CPLX2: variants seen among roughly 807,000 people sequenced by gnomAD.
The protein encoded by CPLX2 is complexin-2.
In CPLX2, 5 loss-of-function variants were observed where a neutral mutation model predicts 16.3. The observed-to-expected ratio is 0.31, with a 90% CI of 0.16 to 0.64. The LOEUF (loss-of-function observed/expected upper bound fraction) is 0.64, where lower values mean the gene tolerates loss of function less well. Ranked by LOEUF, CPLX2 falls within the 30% of genes least tolerant of loss-of-function variation. CPLX2 has a pLI of 0.79. For missense variants in CPLX2, 144 were observed against 181.4 expected, an observed-to-expected ratio of 0.79 and a Z score of 1.18; for synonymous variants, 89 against 73.2, an observed-to-expected ratio of 1.22 and a Z score of -1.10.
At chr5:175,808,153 G>A (rs1287431871) in intron 1 of CPLX2, among the ~76,000 whole-genome samples, 1 of 151,682 alleles carries the variant, frequency 6.6e-6, no homozygotes, top group Admixed American at 6.5e-5. Context: ...AAGAGCTGCA[G>A]AGAGAAGAGT....
At chr5:175,867,646 G>A (rs755873896), upstream of CPLX2, among the ~76,000 whole-genome samples, 1 of 151,410 alleles carries the variant, frequency 6.6e-6, no homozygotes, top group Non-Finnish European at 1.5e-5. Context: ...CCAACAACAC[G>A]CTGACATAGG....
At chr5:175,805,694 A>C (rs952180123) in intron 1 of CPLX2, 2 of 152,496 alleles carry the variant, frequency 1.3e-5, no homozygotes, top group African/African-American at 2.4e-5. Context: ...TCACGTTGCC[A>C]AGGGGAGGGC....
intron 2 of CPLX2, among the ~76,000 whole-genome samples, chr5:175,823,780 T>C (rs975077689): frequency 1.3e-5 from 2 of 152,136 alleles, no homozygotes; most frequent in African/African-American, 4.8e-5. Context: ...GCTTGGCCAC[T>C]ACTTGAGGTG....
chr5:175,881,837 G>A lies in CPLX2; in HGVS notation c.*1792G>A, dbSNP rs532708189. On this transcript the variant is annotated 3_prime_UTR_variant, in exon 4 of 4. Coordinates refer to ENST00000393745, the MANE Select transcript of CPLX2 (RefSeq NM_001008220.2). ...CTATCCCAAAAGCAGGGGCCAGGGA[G>A]GGGGCGACTTGCCTGCCCCTGAAGC... is the stretch of plus-strand genomic sequence containing the variant. 2 of 152,754 alleles carry A rather than the reference G, an allele frequency of 1.3e-5. No homozygotes were observed. Among genetic ancestry groups the A allele is most frequent in the East Asian group, 3.9e-4 (2 of 5,166 alleles). The allele number at this position is 152,754 out of a possible 1,614,324, so 9.5% of individuals were successfully genotyped here.
intron 2 of CPLX2, among the ~76,000 whole-genome samples, chr5:175,841,038 T>C (rs1415289035): frequency 6.6e-6 from 1 of 152,204 alleles, no homozygotes; most frequent in Admixed American, 6.5e-5. Flanking sequence ...AACTGAGAAC[T>C]CTCTAACTAT....
chr5:175,810,230 T>A (rs1327976494), intron 2 of CPLX2, among the ~76,000 whole-genome samples: 1 of 152,192 alleles, frequency 6.6e-6, no homozygotes, highest in African/African-American at 2.4e-5. Context: ...GATCATCTTG[T>A]CCAATTCCTT....
intron 2 of CPLX2, among the ~76,000 whole-genome samples, chr5:175,824,520 A>G (rs190646866): frequency 2.0e-5 from 3 of 152,350 alleles, no homozygotes; most frequent in East Asian, 1.9e-4. Flanking sequence ...CCAAGGCCAC[A>G]GGATCAGTGA....
chr5:175,802,556 T>C (rs975554584), intron 1 of CPLX2, among the ~76,000 whole-genome samples: 2 of 152,070 alleles, frequency 1.3e-5, no homozygotes, highest in African/African-American at 4.8e-5. Flanking sequence ...GCAAGCAGGG[T>C]CTTGCAGTTC....
At chr5:175,876,366 A>C (rs1759755521) in intron 1 of CPLX2, among the ~76,000 whole-genome samples, 1 of 152,198 alleles carries the variant, frequency 6.6e-6, no homozygotes, top group Non-Finnish European at 1.5e-5. Context: ...AAGATTAGAA[A>C]GTAAAAAGAG....
intron 2 of CPLX2, among the ~76,000 whole-genome samples, chr5:175,818,555 C>A (rs1314467236): frequency 2.6e-5 from 4 of 152,016 alleles, no homozygotes; most frequent in African/African-American, 4.8e-5. Context: ...ACGTAACCTT[C>A]CCCAGCTCGA....
rs190937103 is a variant in CPLX2 at position 175,821,332 on chromosome 5, C to T, written c.-89+12264C>T. On this transcript the variant is annotated intron_variant, in intron 2 of 4. Coordinates refer to the CPLX2 transcript ENST00000359546. ...CCTTCCTGACTCAGTCTCTCTGTCT[C>T]TGTGCCCCATCTCGCTTTTCCCCTC... 2.1e-4 allele frequency among the ~76,000 whole-genome samples: 32 copies of T among 152,286 alleles called. No individual in the cohort carries two copies. The East Asian group carries it at 6.2e-3, about 29-fold the overall frequency.
chr5:175,843,242 G>A (rs765007225), intron 2 of CPLX2, among the ~76,000 whole-genome samples: 7 of 152,120 alleles, frequency 4.6e-5, no homozygotes, highest in Admixed American at 1.3e-4. Context: ...CCCCTCTCTC[G>A]AGCTCTGCCT....
At position 175,809,172 on chromosome 5, in the gene CPLX2, A is replaced by G. The variant is rs1758268619; in HGVS notation, c.-89+104A>G. On this transcript the variant is annotated intron_variant, in intron 2 of 4. Transcript: ENST00000359546. The surrounding 1 kb of genome is among the most constrained non-coding windows in gnomAD (Gnocchi z 4.4). ...CACGTCTTCCCCTCTGTGATTGCCA[A>G]GAACAGTCCTAAGATGGAGTGAGAT... 6.6e-6 allele frequency: 1 copy of G among 152,368 alleles called. No individual in the cohort carries two copies. Among genetic ancestry groups the G allele is most frequent in the Non-Finnish European group, 1.5e-5 (1 of 68,154 alleles). 9.4% of individuals were successfully genotyped at this position (152,368 alleles called of 1,614,324 possible).
At chr5:175,822,786 CTCAGCCCTAACCCAT>C (rs1758537452) in intron 2 of CPLX2, among the ~76,000 whole-genome samples, 1 of 152,230 alleles carries the variant, frequency 6.6e-6, no homozygotes, top group South Asian at 2.1e-4. Flanking sequence ...CGTCAGTGGA[CTCAGCCCTAACCCAT>C]TCCCATAGCC....
chr5:175,866,645 G>T (rs1759483413), upstream of CPLX2, among the ~76,000 whole-genome samples: 1 of 152,210 alleles, frequency 6.6e-6, no homozygotes, highest in African/African-American at 2.4e-5. Context: ...CAGATGCTGG[G>T]CTGGGAGAGA....
chr5:175,831,967 A>G (rs1758742669), intron 2 of CPLX2, among the ~76,000 whole-genome samples: 1 of 152,202 alleles, frequency 6.6e-6, no homozygotes, highest in Non-Finnish European at 1.5e-5. Context: ...CACTTCTGAC[A>G]CTGTTCTAAA....
chr5:175,838,087 G>A (rs1181161944), intron 2 of CPLX2, among the ~76,000 whole-genome samples: 1 of 152,046 alleles, frequency 6.6e-6, no homozygotes, highest in Non-Finnish European at 1.5e-5. Context: ...CATTTATCTA[G>A]AAATCAGAGA....
At chr5:175,800,841 A>G (rs1363868145) in intron 1 of CPLX2, among the ~76,000 whole-genome samples, 2 of 152,162 alleles carry the variant, frequency 1.3e-5, no homozygotes, top group Non-Finnish European at 2.9e-5. Context: ...TGAAAAGCAA[A>G]TGTGAAAATA....
intron 2 of CPLX2, among the ~76,000 whole-genome samples, chr5:175,850,826 G>A (rs1039580252): frequency 1.3e-5 from 2 of 152,094 alleles, no homozygotes; most frequent in African/African-American, 2.4e-5. Context: ...TCACTGAGTC[G>A]GAACCAGGTG....
Sources: gnomAD v4.1 joint callset for allele counts (sites outside exome capture counted in the v4.1 genomes callset) on GRCh38, gnomAD v4.1.1 for gene constraint, Gnocchi (gnomAD v3.1) non-coding constraint, MANE v1.5 for transcripts, NCBI Gene and HGNC (gene_info 2026-07-23, HGNC 2026-07-21) for gene names.